Variants in GNAO1 observed in about 807,000 individuals in gnomAD.
The protein encoded by GNAO1 is G protein subunit alpha o1, also known as guanine nucleotide-binding protein G(o) subunit alpha.
For synonymous variants in GNAO1, 164 were observed against 180.7 expected (o/e 0.91, Z 0.74); for missense variants, 166 against 478.7 (o/e 0.35, Z 6.10).
chr16:56,324,701 C>T (rs1446209819), intron 3 of GNAO1, among the ~76,000 whole-genome samples: 1 of 152,260 alleles, frequency 6.6e-6, no homozygotes, highest in African/African-American at 2.4e-5. Flanking sequence ...CAGGGGGGCC[C>T]GGACAGCCTT....
At chr16:56,297,909 C>T (rs1247435945) in intron 3 of GNAO1, among the ~76,000 whole-genome samples, 1 of 152,146 alleles carries the variant, frequency 6.6e-6, no homozygotes, top group Non-Finnish European at 1.5e-5. Context: ...TGGCTCACGC[C>T]CATAATCCCA....
intron 2 of GNAO1, among the ~76,000 whole-genome samples, chr16:56,231,455 C>T (rs1175613625): frequency 6.6e-6 from 1 of 152,026 alleles, no homozygotes; most frequent in African/African-American, 2.4e-5. Context: ...TTTTTCTTTT[C>T]CTTTTCTAGA....
At chr16:56,201,728 G>A (rs1596793696) in intron 2 of GNAO1, among the ~76,000 whole-genome samples, 1 of 152,344 alleles carries the variant, frequency 6.6e-6, no homozygotes, top group Admixed American at 6.5e-5. Flanking sequence ...GCATTGAGGA[G>A]GAGATAAATT....
chr16:56,192,425 C>A, intron 1 of GNAO1, 72 bp downstream of exon 1: 1 of 999,222 alleles, frequency 1.0e-6, no homozygotes, highest in Non-Finnish European at 1.6e-6. Flanking sequence ...AGCTCCCCCA[C>A]CCCACTCGCG....
chr16:56,298,214 C>G (rs2037307109), intron 3 of GNAO1, among the ~76,000 whole-genome samples: 2 of 152,110 alleles, frequency 1.3e-5, no homozygotes, highest in African/African-American at 4.8e-5. Flanking sequence ...GGATGATCTT[C>G]CGTATGTGCA....
At chr16:56,197,720 G>T (rs1255579394) in intron 2 of GNAO1, among the ~76,000 whole-genome samples, 1 of 152,188 alleles carries the variant, frequency 6.6e-6, no homozygotes, top group African/African-American at 2.4e-5. Flanking sequence ...GAGTGGGAGT[G>T]TGTCTTGTTT....
chr16:56,334,936 A>G, intron 5 of GNAO1, 79 bp downstream of exon 5: 1 of 1,494,888 alleles, frequency 6.7e-7, no homozygotes, highest in Non-Finnish European at 9.2e-7. Flanking sequence ...TTGCGTTTAC[A>G]GCGCCCAAAC....
At chr16:56,213,117 C>T (rs1433783889) in intron 2 of GNAO1, among the ~76,000 whole-genome samples, 1 of 152,242 alleles carries the variant, frequency 6.6e-6, no homozygotes, top group African/African-American at 2.4e-5. Flanking sequence ...TTGGTCAAGA[C>T]CCGCTCTAGG....
chr16:56,340,845 C>T (rs200466903), intron 6 of GNAO1: 70 of 1,613,662 alleles, frequency 4.3e-5, no homozygotes, highest in Admixed American at 6.7e-5. Context: ...ACCGCATGCA[C>T]GAATCCCTGA....
intron 3 of GNAO1, among the ~76,000 whole-genome samples, chr16:56,312,603 T>C (rs542769037): frequency 6.6e-6 from 1 of 152,352 alleles, no homozygotes; most frequent in South Asian, 2.1e-4. Context: ...CCACTGACTT[T>C]TTGCAAAGAC....
chr16:56,192,751 C>CACACA, intron 2 of GNAO1, 135 bp downstream of exon 2: 7 of 647,796 alleles, frequency 1.1e-5, no homozygotes, highest in Non-Finnish European at 1.4e-5. Flanking sequence ...CACACACACA[C>CACACA]CCCTATATTT....
rs114054865 is a variant in GNAO1 at position 56,202,606 on chromosome 16, C to A, written c.161+9990C>A. ...ATGGGTAGCTTGAGCTTGACATGAA[C>A]GTGCATCTCCTTCCCTAAGACAGAC... On this transcript the variant is annotated intron_variant, in intron 2 of 8. Coordinates refer to ENST00000262493, the MANE Select transcript of GNAO1 (RefSeq NM_020988.3). Among the ~76,000 whole-genome samples the A allele has an allele frequency of 3.3e-3, 496 of 152,298 alleles. 3 individuals are homozygous for A. Among genetic ancestry groups the A allele is most frequent in the African/African-American group, 0.011 (476 of 41,566 alleles).
chr16:56,216,907 A>G (rs2036441443), intron 2 of GNAO1, among the ~76,000 whole-genome samples: 1 of 152,256 alleles, frequency 6.6e-6, no homozygotes, highest in Non-Finnish European at 1.5e-5. Flanking sequence ...TCAAATGGGA[A>G]TAATGATAGC....
In GNAO1 at chr16:56,354,009, C is replaced by T. The variant is rs770724273; in HGVS notation, c.878-857C>T. On this transcript the variant is annotated intron_variant, in intron 7 of 8. Coordinates refer to ENST00000262493, the MANE Select transcript of GNAO1 (RefSeq NM_020988.3). This position sits in a 1 kb window ranked among gnomAD's most constrained non-coding sequence, Gnocchi z 4.3. ...TCAATGCCCCAATGTCCTGGCCACTCGCTTAAGAACCACGCCTACTAATGA... is the reference window on the plus strand; with the variant it reads ...TCAATGCCCCAATGTCCTGGCCACTTGCTTAAGAACCACGCCTACTAATGA... 4.6e-5 allele frequency among the ~76,000 whole-genome samples: 7 copies of T among 152,222 alleles called. No homozygotes were observed. The highest frequency in any genetic ancestry group is 4.1e-4 in the South Asian group (2 of 4,832).
intron 2 of GNAO1, among the ~76,000 whole-genome samples, chr16:56,237,774 A>G (rs1170709388): frequency 2.0e-5 from 3 of 152,208 alleles, no homozygotes; most frequent in Admixed American, 6.5e-5. Context: ...TCCAGAAAAA[A>G]AAAATGGACA....
chr16:56,345,411 G>A, intron 6 of GNAO1: 1 of 985,836 alleles, frequency 1.0e-6, no homozygotes, highest in Non-Finnish European at 1.2e-6. Context: ...AGGGCCCCTG[G>A]GTTTCCACTT....
At position 56,354,271 on chromosome 16, in the gene GNAO1, G is replaced by T. The variant is rs1158287509; in HGVS notation, c.878-595G>T. Among the ~76,000 whole-genome samples the T allele has an allele frequency of 6.6e-6, 1 of 152,274 alleles. No individual in the cohort carries two copies. The highest frequency in any genetic ancestry group is 1.5e-5 in the Non-Finnish European group (1 of 68,050). ...CTGTCCCAGGCGGGGCTTCCGGGTG[G>T]ATCTGGTGTGAAAACAGTAAGAGAT... On this transcript the variant is annotated intron_variant, in intron 7 of 8. Coordinates refer to ENST00000262493, the MANE Select transcript of GNAO1 (RefSeq NM_020988.3). This position sits in a 1 kb window ranked among gnomAD's most constrained non-coding sequence, Gnocchi z 4.3.
intron 3 of GNAO1, among the ~76,000 whole-genome samples, chr16:56,324,875 T>C (rs1165339367): frequency 6.6e-6 from 1 of 152,238 alleles, no homozygotes; most frequent in Non-Finnish European, 1.5e-5. Flanking sequence ...TTCCAGAACT[T>C]TCTCACTGCC....
At chr16:56,269,721 A>T (rs367802069) in intron 2 of GNAO1, among the ~76,000 whole-genome samples, 1 of 152,158 alleles carries the variant, frequency 6.6e-6, no homozygotes, top group African/African-American at 2.4e-5. Context: ...AGGGGCATTT[A>T]ATCTAGCTGG....
Sources: gnomAD v4.1 joint callset for allele counts (sites outside exome capture counted in the v4.1 genomes callset) on GRCh38, gnomAD v4.1.1 for gene constraint, Gnocchi (gnomAD v3.1) non-coding constraint, MANE v1.5 for transcripts, NCBI Gene and HGNC (gene_info 2026-07-23, HGNC 2026-07-21) for gene names.